PRR16: variants seen among roughly 807,000 people sequenced by gnomAD.
PRR16 encodes the protein protein Largen.
PRR16 carries 6 observed loss-of-function variants against 18.2 expected under a neutral mutation model. The observed-to-expected ratio is 0.33, with a 90% CI of 0.18 to 0.65. The LOEUF (loss-of-function observed/expected upper bound fraction) is 0.65. Ranked by LOEUF, PRR16 falls within the 30% of genes least tolerant of loss-of-function variation. The pLI, the probability that PRR16 is intolerant of heterozygous loss-of-function variation, is 0.74. For synonymous variants in PRR16, 151 were observed against 147.8 expected, an observed-to-expected ratio of 1.02 and a Z score of -0.16; for missense variants, 412 against 376.6, an observed-to-expected ratio of 1.09 and a Z score of -0.78.
chr5:120,559,782 A>C (rs1447970668), intron 1 of PRR16, among the ~76,000 whole-genome samples: 1 of 151,932 alleles, frequency 6.6e-6, no homozygotes, highest in Non-Finnish European at 1.5e-5. Flanking sequence ...CTTCCAATGC[A>C]TGGAGCATGG....
the PRR16 span, among the ~76,000 whole-genome samples, chr5:120,734,736 C>G: frequency 6.6e-6 from 1 of 152,004 alleles, no homozygotes. Flanking sequence ...TGTCTTTGTG[C>G]CTGTTACTAT....
At chr5:120,524,249 A>C (rs1450635006) in intron 1 of PRR16, among the ~76,000 whole-genome samples, 1 of 152,182 alleles carries the variant, frequency 6.6e-6, no homozygotes, top group Non-Finnish European at 1.5e-5. Context: ...GTTCTTACAG[A>C]AAATATAGTA....
chr5:120,534,548 G>C (rs1433771122), intron 1 of PRR16, among the ~76,000 whole-genome samples: 2 of 151,868 alleles, frequency 1.3e-5, no homozygotes. Context: ...TATCTTTTTT[G>C]TATATATCAT....
intron 1 of PRR16, among the ~76,000 whole-genome samples, chr5:120,502,905 G>C (rs757985142): frequency 2.0e-5 from 3 of 152,106 alleles, no homozygotes; most frequent in African/African-American, 7.2e-5. Context: ...GGAGGCAAAT[G>C]AGCTCCTTTG....
chr5:120,624,576 A>G (rs1005329770), intron 1 of PRR16, among the ~76,000 whole-genome samples: 4 of 152,166 alleles, frequency 2.6e-5, no homozygotes, highest in African/African-American at 7.2e-5. Flanking sequence ...TGATCAAATT[A>G]CTCAACATCT....
At chr5:120,754,283 A>ATTAG in the PRR16 span, among the ~76,000 whole-genome samples, 1 of 22,586 alleles carries the variant, frequency 4.4e-5, no homozygotes, top group South Asian at 1.3e-3. Flanking sequence ...ATAATATATA[A>ATTAG]ATATATAATA....
intron 1 of PRR16, among the ~76,000 whole-genome samples, chr5:120,598,168 T>G (rs1432225118): frequency 6.6e-6 from 1 of 151,978 alleles, no homozygotes; most frequent in East Asian, 1.9e-4. Context: ...TGCCTTTCTA[T>G]GTATTTGGAA....
At chr5:120,675,124 G>A (rs1224566220) in intron 1 of PRR16, among the ~76,000 whole-genome samples, 6 of 152,136 alleles carry the variant, frequency 3.9e-5, no homozygotes, top group East Asian at 1.9e-4. Context: ...AAAATCTCAC[G>A]ATACTTAGTC....
At chr5:120,606,353 AG>A (rs1391563944) in intron 1 of PRR16, among the ~76,000 whole-genome samples, 1 of 152,150 alleles carries the variant, frequency 6.6e-6, no homozygotes, top group African/African-American at 2.4e-5. Context: ...CTTATATAAA[AG>A]AAATTTCCCA....
At chr5:120,515,313 A>C (rs564225568) in intron 1 of PRR16, among the ~76,000 whole-genome samples, 3 of 152,246 alleles carry the variant, frequency 2.0e-5, no homozygotes, top group Non-Finnish European at 4.4e-5. Context: ...TAAAGGTCCC[A>C]CCTCTCAATA....
At chr5:120,719,589 TG>T in the PRR16 span, among the ~76,000 whole-genome samples, 236 of 152,236 alleles carry the variant, frequency 1.6e-3, 2 homozygotes, top group Admixed American at 2.7e-3. Context: ...AATAGTACGA[TG>T]ATTTGTGACA....
chr5:120,789,359 A>G, the PRR16 span, among the ~76,000 whole-genome samples: 3 of 152,152 alleles, frequency 2.0e-5, no homozygotes, highest in African/African-American at 7.2e-5. Flanking sequence ...TTTCCAAAAA[A>G]TCATTAATTA....
At chr5:120,583,421 T>G (rs1015640984) in intron 1 of PRR16, among the ~76,000 whole-genome samples, 4 of 152,054 alleles carry the variant, frequency 2.6e-5, no homozygotes, top group East Asian at 3.9e-4. Context: ...GAAAACCAGG[T>G]AGAAAACAAT....
chr5:120,610,951 A>G (rs1316534867), intron 1 of PRR16, among the ~76,000 whole-genome samples: 1 of 152,218 alleles, frequency 6.6e-6, no homozygotes, highest in African/African-American at 2.4e-5. Flanking sequence ...AGACTTGTTG[A>G]ATGACTTTGC....
intron 1 of PRR16, among the ~76,000 whole-genome samples, chr5:120,513,822 G>A (rs1750904275): frequency 6.7e-6 from 1 of 149,164 alleles, no homozygotes; most frequent in Non-Finnish European, 1.5e-5. Flanking sequence ...GCAATAGCAT[G>A]ATCTCTGCTC....
chr5:120,694,462 A>T, the PRR16 span, among the ~76,000 whole-genome samples: 2 of 152,142 alleles, frequency 1.3e-5, no homozygotes, highest in Non-Finnish European at 2.9e-5. Flanking sequence ...AGGCGGGCGG[A>T]TCACGAGGTC....
chr5:120,753,892 TAATA>T, the PRR16 span, among the ~76,000 whole-genome samples: 2 of 127,060 alleles, frequency 1.6e-5, no homozygotes, highest in South Asian at 2.2e-4. Context: ...ATATTATATA[TAATA>T]TATATTTATA....
At chr5:120,701,045 G>A in the PRR16 span, among the ~76,000 whole-genome samples, 7 of 152,292 alleles carry the variant, frequency 4.6e-5, no homozygotes, top group Non-Finnish European at 8.8e-5. Context: ...CAGATTTCTG[G>A]CACATGTAGC....
chr5:120,556,378 C>T (rs753001807), intron 1 of PRR16, among the ~76,000 whole-genome samples: 7 of 151,504 alleles, frequency 4.6e-5, no homozygotes, highest in Non-Finnish European at 5.9e-5. Context: ...TCATACTAAC[C>T]AGGAGCCCAT....
Sources: allele counts gnomAD v4.1 joint callset (sites outside exome capture counted in the v4.1 genomes callset), GRCh38; gene constraint gnomAD v4.1.1; transcripts MANE v1.5; gene names NCBI Gene and HGNC (gene_info 2026-07-23, HGNC 2026-07-21).